Variants in ZNF420 observed in about 807,000 individuals in gnomAD.
The protein encoded by ZNF420 is zinc finger protein 420, also known as ATM and p53-associated KZNF protein.
A neutral mutation model predicts 44.7 loss-of-function variants in ZNF420; 31 were observed. The observed-to-expected ratio is 0.69, with a 90% CI of 0.52 to 0.94. The LOEUF is 0.94. Ranked by LOEUF, ZNF420 falls within the 40% of genes least tolerant of loss-of-function variation. The pLI, the probability that ZNF420 is intolerant of heterozygous loss-of-function variation, is 0.00. For synonymous variants in ZNF420, 245 were observed against 267.4 expected (o/e 0.92, Z 0.82); for missense variants, 681 against 827.9 (o/e 0.82, Z 2.18).
At chr19:37,029,790 G>A (rs1967223321) in intron 1 of ZNF420, among the ~76,000 whole-genome samples, 1 of 151,950 alleles carries the variant, frequency 6.6e-6, no homozygotes, top group Non-Finnish European at 1.5e-5. Flanking sequence ...TTACCGGCAT[G>A]AGCCACGCGC....
intron 1 of ZNF420, among the ~76,000 whole-genome samples, chr19:37,014,675 C>T (rs62109880): frequency 1.3e-3 from 203 of 152,358 alleles, no homozygotes; most frequent in Non-Finnish European, 1.6e-3. Flanking sequence ...CGACAATGCG[C>T]ATGCACCAAA....
At chr19:37,049,996 T>G (rs1015804385) in intron 1 of ZNF420, among the ~76,000 whole-genome samples, 4 of 152,182 alleles carry the variant, frequency 2.6e-5, no homozygotes, top group African/African-American at 9.7e-5. Flanking sequence ...TTCTTGTTTT[T>G]GTCAGGTTTG....
At chr19:37,101,208 T>C (rs1270461703) in intron 4 of ZNF420, among the ~76,000 whole-genome samples, 1 of 152,146 alleles carries the variant, frequency 6.6e-6, no homozygotes, top group Non-Finnish European at 1.5e-5. Context: ...TTCAAGAGTT[T>C]GCAGGCCGGA....
In ZNF420 at chr19:37,070,201, C is replaced by T. The variant is rs143129817; in HGVS notation, c.-124-10144C>T. Among the ~76,000 whole-genome samples, 5 of 152,146 alleles carry T rather than the reference C, an allele frequency of 3.3e-5. No homozygotes were observed. In the East Asian group the frequency reaches 9.6e-4, roughly 29 times the overall value. ...GTGAAAAAGTTGGTCTTTGCATATT[C>T]TGGGACAACTGGTATATGCACACAT... On this transcript the variant is annotated intron_variant, in intron 1 of 4. Coordinates refer to the ZNF420 transcript ENST00000587029.
chr19:37,091,051 C>T lies in ZNF420; in HGVS notation c.66C>T (p.Cys22=), dbSNP rs201391260. 5.6e-6 allele frequency: 9 copies of T among 1,613,092 alleles called. No homozygotes were observed. Among genetic ancestry groups the T allele is most frequent in the Non-Finnish European group, 6.8e-6 (8 of 1,179,706 alleles). Residue 22 remains cysteine (C), a synonymous_variant, in exon 4 of 5, where the codon TGC becomes TGT. Transcript: ENST00000337995. ...ACTTCTCTCAGGAAGAGTGGGAATGCCTGGACTCTGCTCAGAGAGATTTGT... is the reference window on the plus strand; with the variant it reads ...ACTTCTCTCAGGAAGAGTGGGAATGTCTGGACTCTGCTCAGAGAGATTTGT... The part of the protein sequence containing the change: ...AIDFSQEEWE[C]LDSAQRDLYR...
Position 37,127,562 on chromosome 19 carries a change from G to C in ZNF420, c.571G>C (p.Gly191Arg). The C allele has an allele frequency of 1.2e-6, 2 of 1,613,730 alleles. No individual in the cohort carries two copies. Among genetic ancestry groups the C allele is most frequent in the Non-Finnish European group, 1.7e-6 (2 of 1,179,858 alleles). The change falls in exon 5 of 5, where the codon GGT becomes CGT. Residue 191 changes from glycine (G) to arginine (R), a missense_variant. By Grantham distance (125) the Gly-to-Arg change is moderately radical. Transcript: ENST00000337995. ...CAGTCTTCATCAGAGACTTCATACT[G>C]GTGAGAAACCCTATGCATGTAAGGA... ...QLSLHQRLHT[G>R]EKPYACKECG...
intron 1 of ZNF420, among the ~76,000 whole-genome samples, chr19:37,041,194 A>C (rs1967445728): frequency 6.6e-6 from 1 of 150,730 alleles, no homozygotes; most frequent in African/African-American, 2.4e-5. Context: ...ATAGTGGCAC[A>C]CTCCTGGAAA....
In ZNF420 at chr19:37,063,435, C is replaced by T. The variant is rs531948778; in HGVS notation, c.-124-16910C>T. Among the ~76,000 whole-genome samples the T allele has an allele frequency of 6.0e-4, 91 of 152,240 alleles. 1 individual carries two copies. The highest frequency in any genetic ancestry group is 5.7e-3 in the Admixed American group (87 of 15,294). On this transcript the variant is annotated intron_variant, in intron 1 of 4. Coordinates refer to the ZNF420 transcript ENST00000587029. ...GGTCACTAGACAGATAAACTCAAGT[C>T]GCAAAACATGTTTTTCCTTGAAAAG...
At position 37,091,004 on chromosome 19, in the gene ZNF420, A is replaced by T; in HGVS notation, c.19A>T (p.Met7Leu). MARKLV[M>L]FRDVAIDFSQ... ...TTGTTTGTTGTTTCAGAAATTAGTGATGTTCAGGGATGTTGCCATTGACTT... is the reference window on the plus strand; with the variant it reads ...TTGTTTGTTGTTTCAGAAATTAGTGTTGTTCAGGGATGTTGCCATTGACTT... The change falls in exon 4 of 5, where the codon ATG (methionine) becomes TTG (leucine). Residue 7 changes from methionine to leucine, a missense_variant. This residue lies in a region of ZNF420 where 350 missense variants were observed against 382.5 expected (regional missense o/e 0.92). Transcript: ENST00000337995. 1 of 1,609,732 alleles carries T rather than the reference A, an allele frequency of 6.2e-7. No homozygotes were observed. The highest frequency in any genetic ancestry group is 8.5e-7 in the Non-Finnish European group (1 of 1,178,792).
chr19:37,122,225 A>G (rs1971086382), intron 4 of ZNF420, among the ~76,000 whole-genome samples: 1 of 152,230 alleles, frequency 6.6e-6, no homozygotes, highest in Non-Finnish European at 1.5e-5. Context: ...AATGTCCAAC[A>G]ATGATAGACT....
intron 1 of ZNF420, among the ~76,000 whole-genome samples, chr19:37,038,053 C>G (rs904692180): frequency 1.3e-5 from 2 of 151,918 alleles, no homozygotes; most frequent in South Asian, 4.2e-4. Context: ...TTGTTTGAAC[C>G]CCGGAGGCAG....
upstream of ZNF420, among the ~76,000 whole-genome samples, chr19:37,077,764 A>G (rs1170923865): frequency 1.3e-5 from 2 of 152,190 alleles, no homozygotes; most frequent in African/African-American, 4.8e-5. Flanking sequence ...ACGGCCACAC[A>G]CAAAAAAGCA....
intron 1 of ZNF420, among the ~76,000 whole-genome samples, chr19:37,049,900 C>T (rs370866719): frequency 6.6e-6 from 1 of 151,998 alleles, no homozygotes; most frequent in African/African-American, 2.4e-5. Flanking sequence ...GTATAAGGTG[C>T]AAGGAAGGGA....
chr19:37,032,917 G>A (rs1289049993), intron 1 of ZNF420, among the ~76,000 whole-genome samples: 3 of 152,140 alleles, frequency 2.0e-5, no homozygotes, highest in Non-Finnish European at 4.4e-5. Flanking sequence ...AGGTGTGGTC[G>A]GCAAGTTGTA....
At chr19:37,051,858 G>A (rs952485594) in intron 1 of ZNF420, among the ~76,000 whole-genome samples, 36 of 152,120 alleles carry the variant, frequency 2.4e-4, no homozygotes, top group African/African-American at 8.7e-4. Context: ...TGGGCATTTA[G>A]TGCTATAAAT....
At position 37,129,181 on chromosome 19, in the gene ZNF420, G is replaced by C; in HGVS notation, c.*123G>C. 3 of 1,233,874 alleles carry C rather than the reference G, an allele frequency of 2.4e-6. No homozygotes were observed. Among genetic ancestry groups the C allele is most frequent in the East Asian group, 4.7e-5 (2 of 42,666 alleles). 76.4% of individuals were successfully genotyped at this position (1,233,874 alleles called of 1,614,324 possible). A position where few individuals can be genotyped will look rare whatever the true frequency, so the allele number is the denominator to read the frequency against. On this transcript the variant is annotated 3_prime_UTR_variant, in exon 5 of 5. Transcript: ENST00000337995. ...AAGCACAGCATCAGATAATTTATGTGAGAGAAAATGGTAGTGTCATTCATA... is the reference window on the plus strand; with the variant it reads ...AAGCACAGCATCAGATAATTTATGTCAGAGAAAATGGTAGTGTCATTCATA...
At chr19:37,014,500 C>T (rs1480027378) in intron 1 of ZNF420, among the ~76,000 whole-genome samples, 1 of 152,158 alleles carries the variant, frequency 6.6e-6, no homozygotes, top group Non-Finnish European at 1.5e-5. Flanking sequence ...CACCGGGATC[C>T]GAACACGAAG....
chr19:37,063,382 C>T (rs8110020), intron 1 of ZNF420, among the ~76,000 whole-genome samples: 2,051 of 152,260 alleles, frequency 0.013, 52 homozygotes, highest in African/African-American at 0.047. Flanking sequence ...ATTGTGAAGA[C>T]CCGGTTTCCC....
At chr19:37,122,401 GGAATT>G (rs1971098244) in intron 4 of ZNF420, among the ~76,000 whole-genome samples, 1 of 151,206 alleles carries the variant, frequency 6.6e-6, no homozygotes, top group Non-Finnish European at 1.5e-5. Context: ...CTCATAGGTG[GGAATT>G]GAACAGTGAG....
Sources: allele counts gnomAD v4.1 joint callset (sites outside exome capture counted in the v4.1 genomes callset), GRCh38; gene constraint gnomAD v4.1.1; regional missense constraint gnomAD v4.1.1; transcripts MANE v1.5; gene names NCBI Gene and HGNC (gene_info 2026-07-23, HGNC 2026-07-21).